CCDC6: variants seen among roughly 807,000 people sequenced by gnomAD.
CCDC6 encodes coiled-coil domain-containing protein 6.
In CCDC6, 20 loss-of-function variants were observed where a neutral mutation model predicts 56.6. The ratio of observed to expected loss-of-function variants is 0.35; its 90% confidence interval spans 0.25 to 0.51. CCDC6 has a LOEUF of 0.51. CCDC6 is among the 20% of genes least tolerant of loss of function. The pLI is 0.95. For synonymous variants in CCDC6, 241 were observed against 234.4 expected, an observed-to-expected ratio of 1.03 and a Z score of -0.26; for missense variants, 367 against 601.1, an observed-to-expected ratio of 0.61 and a Z score of 4.07.
chr10:59,903,784 G>A (rs964525274), intron 1 of CCDC6, among the ~76,000 whole-genome samples: 6 of 152,206 alleles, frequency 3.9e-5, no homozygotes, highest in Admixed American at 6.5e-5. Context: ...GTCAGGGATT[G>A]TACAGCTTAA....
intron 1 of CCDC6, among the ~76,000 whole-genome samples, chr10:59,897,536 G>A (rs950555791): frequency 9.2e-5 from 14 of 152,170 alleles, no homozygotes; most frequent in African/African-American, 4.8e-5. Flanking sequence ...GATTACAGGC[G>A]TGAGCCATCA....
rs1172379933 is a variant in CCDC6, at chr10:59,876,073, CTTT to C, written c.304-23374_304-23372del. ...CATACACGAGTGCATGCACAGATGT[CTTT>C]TTTTTTTTTTTTTTTCAGATCGAGT... On this transcript the variant is annotated intron_variant, in intron 1 of 8. Transcript: ENST00000263102. Among the ~76,000 whole-genome samples, 7 of 97,582 alleles carry C rather than the reference CTTT, an allele frequency of 7.2e-5. 1 individual carries two copies. Among genetic ancestry groups the C allele is most frequent in the East Asian group, 3.4e-4 (1 of 2,952 alleles). 64.0% of individuals were successfully genotyped at this position (97,582 alleles called of 152,430 possible). A position where few individuals can be genotyped will look rare whatever the true frequency, so the allele number is the denominator to read the frequency against.
intron 1 of CCDC6, among the ~76,000 whole-genome samples, chr10:59,903,228 A>G (rs2071517591): frequency 6.6e-6 from 1 of 152,236 alleles, no homozygotes; most frequent in South Asian, 2.1e-4. Flanking sequence ...AATGGTGGAC[A>G]CATGTCATTA....
At chr10:59,852,835 A>G (rs1167743169) in intron 1 of CCDC6, 133 bp from the exon 2 acceptor site, 5 of 616,950 alleles carry the variant, frequency 8.1e-6, no homozygotes, top group Non-Finnish European at 1.3e-5. Flanking sequence ...TTAGCTGTGA[A>G]CCAACACACC....
intron 1 of CCDC6, among the ~76,000 whole-genome samples, chr10:59,874,106 A>C (rs2071256534): frequency 7.6e-6 from 1 of 131,006 alleles, no homozygotes; most frequent in Admixed American, 8.2e-5. Context: ...TTCCTTACAC[A>C]TTTACCTAGC....
intron 3 of CCDC6, among the ~76,000 whole-genome samples, chr10:59,822,910 C>A (rs375305257): frequency 1.4e-5 from 2 of 144,874 alleles, no homozygotes; most frequent in Admixed American, 6.8e-5. Context: ...AAAAAAAAAA[C>A]AACCCCAGAC....
intron 1 of CCDC6, among the ~76,000 whole-genome samples, chr10:59,859,924 A>C (rs969099684): frequency 2.0e-5 from 3 of 152,166 alleles, no homozygotes; most frequent in Non-Finnish European, 2.9e-5. Flanking sequence ...ACTACTAAAA[A>C]TACAAAAATT....
intron 3 of CCDC6, among the ~76,000 whole-genome samples, chr10:59,817,386 C>G (rs762913886): frequency 6.6e-6 from 1 of 152,090 alleles, no homozygotes; most frequent in Non-Finnish European, 1.5e-5. Context: ...TGCTACGTTG[C>G]CCAGGCTGGT....
chr10:59,807,520 T>C (rs1210015715), intron 5 of CCDC6, among the ~76,000 whole-genome samples: 1 of 152,152 alleles, frequency 6.6e-6, no homozygotes, highest in Non-Finnish European at 1.5e-5. Flanking sequence ...CTGGTCTTTC[T>C]CATTCTCCCA....
chr10:59,874,972 C>T (rs560848021), intron 1 of CCDC6, among the ~76,000 whole-genome samples: 2 of 152,324 alleles, frequency 1.3e-5, no homozygotes, highest in East Asian at 1.9e-4. Flanking sequence ...TTACTTCAGG[C>T]CACTACATTT....
intron 2 of CCDC6, among the ~76,000 whole-genome samples, chr10:59,846,123 G>C (rs2070989241): frequency 6.6e-6 from 1 of 152,078 alleles, no homozygotes; most frequent in Admixed American, 6.6e-5. Context: ...GAAATGTCAT[G>C]CTACTCAGAA....
At chr10:59,888,803 G>A (rs1192474503) in intron 1 of CCDC6, among the ~76,000 whole-genome samples, 1 of 152,060 alleles carries the variant, frequency 6.6e-6, no homozygotes, top group Non-Finnish European at 1.5e-5. Context: ...GGTGGTTTGT[G>A]GATTCACTCT....
chr10:59,877,620 T>G (rs2071295629), intron 1 of CCDC6, among the ~76,000 whole-genome samples: 1 of 152,168 alleles, frequency 6.6e-6, no homozygotes, highest in Non-Finnish European at 1.5e-5. Flanking sequence ...AGAGAGACAG[T>G]GGAGGAGCCA....
At chr10:59,882,665 A>C (rs1432600206) in intron 1 of CCDC6, among the ~76,000 whole-genome samples, 1 of 96,644 alleles carries the variant, frequency 1.0e-5, no homozygotes, top group Non-Finnish European at 2.4e-5. Flanking sequence ...GTAACCTTAA[A>C]CATTAGTGAA....
At chr10:59,862,500 A>AAT (rs1311584688) in intron 1 of CCDC6, among the ~76,000 whole-genome samples, 1 of 99,256 alleles carries the variant, frequency 1.0e-5, no homozygotes, top group African/African-American at 5.4e-5. Flanking sequence ...GAAAAAAAAA[A>AAT]GTATATATAT....
chr10:59,861,059 G>A (rs571565182), intron 1 of CCDC6, among the ~76,000 whole-genome samples: 8 of 152,180 alleles, frequency 5.3e-5, no homozygotes, highest in Admixed American at 1.3e-4. Flanking sequence ...ACCTGGCCGT[G>A]GTAGCGAGCA....
In CCDC6 at chr10:59,825,106, C is replaced by T. The variant is rs181298697; in HGVS notation, c.582+7419G>A. 3.9e-4 allele frequency among the ~76,000 whole-genome samples: 60 copies of T among 152,330 alleles called. 1 individual carries two copies. Among genetic ancestry groups the T allele is most frequent in the African/African-American group, 1.4e-3 (58 of 41,574 alleles). Reference sequence around the variant, plus strand: ...TTCTAAACAAGACCCAGTATGGTCACACTACCTGTGAATTTAAGAGAAACA... The same window carrying T: ...TTCTAAACAAGACCCAGTATGGTCATACTACCTGTGAATTTAAGAGAAACA... On this transcript the variant is annotated intron_variant, in intron 3 of 8. Transcript: ENST00000263102.
chr10:59,818,501 G>GGGC (rs1554883219), intron 3 of CCDC6, among the ~76,000 whole-genome samples: 2 of 141,394 alleles, frequency 1.4e-5, no homozygotes, highest in African/African-American at 2.6e-5. Flanking sequence ...TTGACGGGGG[G>GGGC]GGGGGAAGCA....
chr10:59,803,943 A>G (rs1459259269), intron 7 of CCDC6, among the ~76,000 whole-genome samples: 1 of 152,222 alleles, frequency 6.6e-6, no homozygotes. Flanking sequence ...CTGTGTAACC[A>G]GTAGTGACCC....
Sources: gnomAD v4.1 joint callset for allele counts (sites outside exome capture counted in the v4.1 genomes callset) on GRCh38, gnomAD v4.1.1 for gene constraint, MANE v1.5 for transcripts, NCBI Gene and HGNC (gene_info 2026-07-23, HGNC 2026-07-21) for gene names.